Variants in OR6C2 observed in about 807,000 individuals in gnomAD.
OR6C2 encodes the protein olfactory receptor family 6 subfamily C member 2.
For synonymous variants in OR6C2, 146 were observed against 134.2 expected (o/e 1.09, Z -0.61); for missense variants, 435 against 365.8 (o/e 1.19, Z -1.54).
chr12:55,452,812 T>C lies in OR6C2; in HGVS notation c.599T>C (p.Met200Thr), dbSNP rs371216996. The C allele has an allele frequency of 4.3e-5, 69 of 1,613,826 alleles. No individual in the cohort carries two copies. The East Asian group carries it at 6.9e-4, about 16-fold the overall frequency. Residue 200 changes from methionine to threonine, a missense_variant, in exon 2 of 2, where the codon ATG (methionine) becomes ACG (threonine). Met to Thr is a moderately conservative substitution (Grantham distance 81). Transcript: ENST00000641202. ...GTAATAGAACAGATGGTTATACTTATGGCTGTATTTGCACTCATTATCACC... is the reference window on the plus strand; with the variant it reads ...GTAATAGAACAGATGGTTATACTTACGGCTGTATTTGCACTCATTATCACC... ...TWVIEQMVIL[M>T]AVFALIITLV... is the part of the protein sequence containing the mutation.
chr12:55,452,765 G>T lies in OR6C2; in HGVS notation c.552G>T (p.Lys184Asn). 6.2e-7 allele frequency: 1 copy of T among 1,613,820 alleles called. No homozygotes were observed. The highest frequency in any genetic ancestry group is 8.5e-7 in the Non-Finnish European group (1 of 1,179,812). ...HFSCDAGPLL[K>N]ISCSDTWVIE... ...GCTGTGATGCAGGTCCTCTCCTAAAGATCTCATGCTCAGATACATGGGTAA... is the reference window on the plus strand; with the variant it reads ...GCTGTGATGCAGGTCCTCTCCTAAATATCTCATGCTCAGATACATGGGTAA... Residue 184 changes from lysine to asparagine, a missense_variant, in exon 2 of 2, where the codon AAG (lysine) becomes AAT (asparagine). Lys to Asn is a moderately conservative substitution (Grantham distance 94). Transcript: ENST00000641202.
intron 1 of OR6C2, among the ~76,000 whole-genome samples, chr12:55,445,132 G>C (rs1871339231): frequency 6.6e-6 from 1 of 152,138 alleles, no homozygotes; most frequent in Admixed American, 6.6e-5. Context: ...GTTTCACTAA[G>C]AAGTACTAAG....
chr12:55,446,841 G>C (rs1871371966), intron 1 of OR6C2, among the ~76,000 whole-genome samples: 2 of 152,138 alleles, frequency 1.3e-5, no homozygotes, highest in African/African-American at 4.8e-5. Context: ...AAGAGAAAAA[G>C]AGATGAGAGG....
chr12:55,448,410 GA>G (rs1405620158), intron 1 of OR6C2, among the ~76,000 whole-genome samples: 1 of 149,862 alleles, frequency 6.7e-6, no homozygotes, highest in Non-Finnish European at 1.5e-5. Flanking sequence ...TTTAATTATA[GA>G]AAAAAATTTA....
chr12:55,447,533 C>T (rs545599250), intron 1 of OR6C2, among the ~76,000 whole-genome samples: 7 of 151,990 alleles, frequency 4.6e-5, no homozygotes, highest in Non-Finnish European at 8.8e-5. Flanking sequence ...TCTAACTCTC[C>T]GCTTCTGTGA....
intron 1 of OR6C2, among the ~76,000 whole-genome samples, chr12:55,445,189 C>G (rs1025673113): frequency 6.6e-6 from 1 of 152,262 alleles, no homozygotes; most frequent in Admixed American, 6.5e-5. Context: ...GGCCAGTATG[C>G]TCTGTTAGCA....
In OR6C2 at chr12:55,448,049, G is replaced by A. The variant is rs1211325351; in HGVS notation, c.-887-3278G>A. ...TTTTAATAGCCATCCTTATATGTGT[G>A]AGGTGATATCTCATTGTAGTTTGAT... On this transcript the variant is annotated intron_variant, in intron 1 of 1. Coordinates refer to ENST00000641202, the MANE Select transcript of OR6C2 (RefSeq NM_054105.2). Among the ~76,000 whole-genome samples the A allele has an allele frequency of 3.3e-5, 5 of 151,936 alleles. No homozygotes were observed. The East Asian group carries it at 9.6e-4, about 29-fold the overall frequency.
chr12:55,444,505 A>C (rs1395949534), intron 1 of OR6C2, among the ~76,000 whole-genome samples: 1 of 152,138 alleles, frequency 6.6e-6, no homozygotes, highest in Non-Finnish European at 1.5e-5. Flanking sequence ...TAAATTGTAA[A>C]TATTCTCTTA....
rs139135230 is a variant in OR6C2, at chr12:55,452,432, A to C, written c.219A>C (p.Thr73=). The change falls in exon 2 of 2, where the codon ACA becomes ACC. Residue 73 remains threonine (T), a synonymous_variant. Transcript: ENST00000641202. ...NFSFLEVSFT[T]VCIPRFLYNI... is the part of the protein sequence containing the mutation. The stretch of plus-strand genomic sequence containing the variant: ...CCTTCTTAGAAGTCTCATTTACTAC[A>C]GTCTGCATTCCCAGATTCTTGTACA... The C allele has an allele frequency of 6.2e-7, 1 of 1,613,478 alleles. No homozygotes were observed. Among genetic ancestry groups the C allele is most frequent in the South Asian group, 1.1e-5 (1 of 91,064 alleles).
intron 1 of OR6C2, among the ~76,000 whole-genome samples, chr12:55,450,939 AG>A (rs1489772678): frequency 1.3e-5 from 2 of 152,048 alleles, no homozygotes; most frequent in Non-Finnish European, 1.5e-5. Context: ...CAGATTCTTC[AG>A]GGGGTGGAGG....
intron 1 of OR6C2, among the ~76,000 whole-genome samples, chr12:55,444,742 G>A (rs1010281960): frequency 3.3e-5 from 5 of 152,118 alleles, no homozygotes; most frequent in African/African-American, 1.2e-4. Flanking sequence ...TGACAGAAAG[G>A]ATGTCAATTC....
intron 1 of OR6C2, among the ~76,000 whole-genome samples, chr12:55,445,286 T>TG (rs936866778): frequency 2.6e-5 from 4 of 152,202 alleles, no homozygotes; most frequent in Non-Finnish European, 5.9e-5. Context: ...TTTCCTGTAA[T>TG]GGTACCTTTA....
In OR6C2 at chr12:55,452,673, A is replaced by G. The variant is rs76568393; in HGVS notation, c.460A>G (p.Ile154Val). ...CTGTTGGGTGGCTGGCTTGATGATC[A>G]TTGTTCCACCACTTAGCTTAGGCCT... The part of the protein sequence containing the change: ...LCCWVAGLMI[I>V]VPPLSLGLQL... Residue 154 changes from isoleucine to valine, a missense_variant, in exon 2 of 2, where the codon ATT (isoleucine) becomes GTT (valine). Coordinates refer to ENST00000641202, the MANE Select transcript of OR6C2 (RefSeq NM_054105.2). 2.2e-4 allele frequency: 355 copies of G among 1,613,790 alleles called. 1 individual carries two copies. In the African/African-American group the frequency reaches 4.4e-3, roughly 20 times the overall value.
intron 1 of OR6C2, among the ~76,000 whole-genome samples, chr12:55,446,801 A>G (rs1207104292): frequency 1.3e-5 from 2 of 152,220 alleles, no homozygotes; most frequent in Non-Finnish European, 2.9e-5. Flanking sequence ...AAAGACTGAA[A>G]AAAAAATTAA....
chr12:55,447,218 AACCATGAAACCATC>A (rs1226573040), intron 1 of OR6C2, among the ~76,000 whole-genome samples: 1 of 152,152 alleles, frequency 6.6e-6, no homozygotes, highest in Non-Finnish European at 1.5e-5. Flanking sequence ...ACTTGCACAC[AACCATGAAACCATC>A]ACCACAATCA....
Position 55,452,567 on chromosome 12 carries a change from T to C in OR6C2, c.354T>C (p.Tyr118=). ...TEFFLLAAMS[Y]DRYVAICKPL... is the part of the protein sequence containing the mutation. ...TTTTTCTCTTGGCAGCCATGTCCTATGACCGCTATGTGGCCATCTGTAAAC... is the reference window on the plus strand; with the variant it reads ...TTTTTCTCTTGGCAGCCATGTCCTACGACCGCTATGTGGCCATCTGTAAAC... The change falls in exon 2 of 2, where the codon TAT becomes TAC. Residue 118 remains tyrosine, a synonymous_variant. Coordinates refer to ENST00000641202, the MANE Select transcript of OR6C2 (RefSeq NM_054105.2). 1 of 1,613,886 alleles carries C rather than the reference T, an allele frequency of 6.2e-7. No homozygotes were observed. The highest frequency in any genetic ancestry group is 1.1e-5 in the South Asian group (1 of 91,082).
intron 1 of OR6C2, among the ~76,000 whole-genome samples, chr12:55,446,974 C>T (rs939778418): frequency 6.6e-6 from 1 of 152,096 alleles, no homozygotes; most frequent in African/African-American, 2.4e-5. Flanking sequence ...AACAAGTATT[C>T]TATCTCCTCT....
At chr12:55,445,812 AG>A (rs1162496215) in intron 1 of OR6C2, among the ~76,000 whole-genome samples, 8 of 152,208 alleles carry the variant, frequency 5.3e-5, no homozygotes, top group Admixed American at 1.3e-4. Flanking sequence ...GATGATGTCA[AG>A]GGCGGGCAAC....
At chr12:55,444,741 G>A (rs1871333809) in intron 1 of OR6C2, among the ~76,000 whole-genome samples, 1 of 152,112 alleles carries the variant, frequency 6.6e-6, no homozygotes, top group African/African-American at 2.4e-5. Context: ...ATGACAGAAA[G>A]GATGTCAATT....
Sources: gnomAD v4.1 joint callset for allele counts (sites outside exome capture counted in the v4.1 genomes callset) on GRCh38, gnomAD v4.1.1 for gene constraint, MANE v1.5 for transcripts, NCBI Gene and HGNC (gene_info 2026-07-23, HGNC 2026-07-21) for gene names.